Variants in SPOCK1 observed in about 807,000 individuals in gnomAD.
SPOCK1 encodes the protein SPARC (osteonectin), cwcv and kazal like domains proteoglycan 1, also known as testican-1.
Under a neutral mutation model 55.3 loss-of-function variants are expected in SPOCK1, and 23 were observed. That is an observed-to-expected ratio of 0.42 (90% confidence interval 0.30 to 0.59). The LOEUF is 0.59. SPOCK1 is among the 20% of genes least tolerant of loss of function. SPOCK1 has a pLI of 0.22. For synonymous variants in SPOCK1, 226 were observed against 221.0 expected (o/e 1.02, Z -0.20); for missense variants, 499 against 552.5 (o/e 0.90, Z 0.97).
chr5:137,472,600 C>T (rs192068731), intron 2 of SPOCK1, among the ~76,000 whole-genome samples: 550 of 152,250 alleles, frequency 3.6e-3, no homozygotes, highest in Non-Finnish European at 6.1e-3. Context: ...CAAACAAATT[C>T]GTTTCTGAAA....
At chr5:137,144,243 G>T (rs1000031225) in intron 3 of SPOCK1, among the ~76,000 whole-genome samples, 2 of 152,048 alleles carry the variant, frequency 1.3e-5, no homozygotes. Context: ...GGTCAATTTT[G>T]TTCCTGTAGT....
intron 2 of SPOCK1, among the ~76,000 whole-genome samples, chr5:137,446,118 C>G (rs1753121898): frequency 6.6e-6 from 1 of 152,152 alleles, no homozygotes; most frequent in Admixed American, 6.5e-5. Flanking sequence ...GCAGGCTCCA[C>G]AATATCCCTT....
intron 2 of SPOCK1, among the ~76,000 whole-genome samples, chr5:137,407,467 AG>A (rs1376858292): frequency 6.6e-6 from 1 of 152,088 alleles, no homozygotes; most frequent in Non-Finnish European, 1.5e-5. Flanking sequence ...TGTACCTGAG[AG>A]GGGGGAGTGG....
At chr5:137,115,124 C>T (rs1753551914) in intron 4 of SPOCK1, among the ~76,000 whole-genome samples, 1 of 152,106 alleles carries the variant, frequency 6.6e-6, no homozygotes, top group African/African-American at 2.4e-5. Flanking sequence ...CTGACTGGTG[C>T]CTATCAGAGG....
chr5:137,332,209 C>T (rs1159930526), intron 2 of SPOCK1, among the ~76,000 whole-genome samples: 1 of 152,028 alleles, frequency 6.6e-6, no homozygotes, highest in Non-Finnish European at 1.5e-5. Flanking sequence ...CCCTCTGTCT[C>T]GACACTCCCC....
intron 3 of SPOCK1, among the ~76,000 whole-genome samples, chr5:137,193,715 G>T (rs74648311): frequency 0.016 from 2,484 of 152,264 alleles, 74 homozygotes; most frequent in African/African-American, 0.056. Context: ...AAACCTTTGG[G>T]TACAACTAGC....
At chr5:137,234,863 AT>A (rs1756145431) in intron 3 of SPOCK1, among the ~76,000 whole-genome samples, 2 of 152,242 alleles carry the variant, frequency 1.3e-5, no homozygotes, top group Admixed American at 1.3e-4. Context: ...TGACAAGTAT[AT>A]TACTAAATAC....
At chr5:137,424,986 T>C (rs978934706) in intron 2 of SPOCK1, among the ~76,000 whole-genome samples, 6 of 152,238 alleles carry the variant, frequency 3.9e-5, no homozygotes, top group South Asian at 2.1e-4. Flanking sequence ...CTCATTAAAA[T>C]TGATCTTTTA....
At chr5:137,111,671 A>G (rs1753476801) in intron 5 of SPOCK1, among the ~76,000 whole-genome samples, 1 of 152,152 alleles carries the variant, frequency 6.6e-6, no homozygotes, top group Non-Finnish European at 1.5e-5. Context: ...CCAAGAACAA[A>G]TTATCACCTC....
intron 2 of SPOCK1, among the ~76,000 whole-genome samples, chr5:137,461,826 T>C (rs1753495768): frequency 6.6e-6 from 1 of 152,228 alleles, no homozygotes. Flanking sequence ...CAACCCTCTC[T>C]ATGATCTAAT....
At chr5:137,307,530 C>G (rs1172408252) in intron 2 of SPOCK1, among the ~76,000 whole-genome samples, 3 of 152,126 alleles carry the variant, frequency 2.0e-5, no homozygotes, top group Non-Finnish European at 4.4e-5. Flanking sequence ...ATGGTTTTTA[C>G]CCATTGTGGG....
chr5:137,287,838 G>GTGCT (rs1757296748), intron 2 of SPOCK1, among the ~76,000 whole-genome samples: 1 of 152,194 alleles, frequency 6.6e-6, no homozygotes, highest in South Asian at 2.1e-4. Context: ...ACAGCTGTTT[G>GTGCT]TGCTTTAGGC....
At chr5:137,324,023 C>G (rs568144641) in intron 2 of SPOCK1, among the ~76,000 whole-genome samples, 1 of 152,286 alleles carries the variant, frequency 6.6e-6, no homozygotes, top group African/African-American at 2.4e-5. Context: ...TATTTGCATT[C>G]CCATGTCCAA....
chr5:137,132,020 A>ATATATATAT (rs1491415264), intron 4 of SPOCK1, among the ~76,000 whole-genome samples: 4 of 84,272 alleles, frequency 4.7e-5, no homozygotes, highest in African/African-American at 4.8e-5. Context: ...ATATATATAT[A>ATATATATAT]AAAAATTAGC....
At chr5:137,012,828 G>T (rs1355702235) in intron 6 of SPOCK1, among the ~76,000 whole-genome samples, 3 of 152,152 alleles carry the variant, frequency 2.0e-5, no homozygotes, top group Non-Finnish European at 4.4e-5. Flanking sequence ...GCTTATCATA[G>T]AAAAAATAAC....
At chr5:137,057,703 A>G (rs930794495) in intron 6 of SPOCK1, among the ~76,000 whole-genome samples, 1 of 152,218 alleles carries the variant, frequency 6.6e-6, no homozygotes, top group Admixed American at 6.5e-5. Context: ...GATCTAGGAA[A>G]GAGGCCTACC....
intron 2 of SPOCK1, among the ~76,000 whole-genome samples, chr5:137,366,133 A>AT (rs1751057006): frequency 6.6e-6 from 1 of 152,162 alleles, no homozygotes. Context: ...AAAATCTGGG[A>AT]TTTTTGCACT....
intron 3 of SPOCK1, among the ~76,000 whole-genome samples, chr5:137,168,696 C>T (rs1043938240): frequency 1.3e-5 from 2 of 152,014 alleles, no homozygotes; most frequent in African/African-American, 2.4e-5. Context: ...TTCCATAAGA[C>T]AGGCAATAAA....
At chr5:137,167,434 C>A (rs1580786856) in intron 3 of SPOCK1, among the ~76,000 whole-genome samples, 1 of 149,700 alleles carries the variant, frequency 6.7e-6, no homozygotes, top group South Asian at 2.1e-4. Flanking sequence ...CAAAAAAAAA[C>A]ATAGGACTTA....
Sources: gnomAD v4.1 joint callset for allele counts (sites outside exome capture counted in the v4.1 genomes callset) on GRCh38, gnomAD v4.1.1 for gene constraint, MANE v1.5 for transcripts, NCBI Gene and HGNC (gene_info 2026-07-23, HGNC 2026-07-21) for gene names.